ASPG: variants seen among roughly 807,000 people sequenced by gnomAD.
The protein encoded by ASPG is 60 kDa lysophospholipase.
ASPG carries 53 observed loss-of-function variants against 63.2 expected under a neutral mutation model. That is an observed-to-expected ratio of 0.84 (90% CI 0.67 to 1.05). The LOEUF is 1.05. ASPG is among the 50% of genes least tolerant of loss of function. The pLI is 0.00. For missense variants in ASPG, 741 were observed against 794.4 expected, an observed-to-expected ratio of 0.93 and a Z score of 0.81; for synonymous variants, 370 against 355.0, an observed-to-expected ratio of 1.04 and a Z score of -0.48.
At chr14:104,099,947 G>A (rs573111152) in intron 6 of ASPG, among the ~76,000 whole-genome samples, 10 of 152,316 alleles carry the variant, frequency 6.6e-5, no homozygotes, top group African/African-American at 1.4e-4. Context: ...CTGTCTGGGC[G>A]GGTGGGGTGG....
At chr14:104,086,770 G>T (rs892485120) in intron 1 of ASPG, among the ~76,000 whole-genome samples, 8 of 151,992 alleles carry the variant, frequency 5.3e-5, no homozygotes, top group Non-Finnish European at 1.0e-4. Flanking sequence ...TCCCTCAGGA[G>T]CCCTTTCCAC....
intron 1 of ASPG, among the ~76,000 whole-genome samples, chr14:104,088,044 C>G (rs1425489699): frequency 6.6e-6 from 1 of 152,210 alleles, no homozygotes; most frequent in East Asian, 1.9e-4. Flanking sequence ...CTGTTGCTAG[C>G]TGACCCATGT....
chr14:104,110,099 C>T lies in ASPG; in HGVS notation c.1520+784C>T. The T allele has an allele frequency of 2.0e-6, 2 of 985,308 alleles. No individual in the cohort carries two copies. The highest frequency in any genetic ancestry group is 2.4e-6 in the Non-Finnish European group (2 of 829,900). The allele number at this position is 985,308 out of a possible 1,614,324, so 61.0% of individuals were successfully genotyped here. A position where few individuals can be genotyped will look rare whatever the true frequency, so the allele number is the denominator to read the frequency against. ...GTGCCCAGCCTGGGCTGCCCGAGGC[C>T]AGGACGACTCCGAGGGACCCAAAAA... On this transcript the variant is annotated intron_variant, in intron 13 of 15. Coordinates refer to ENST00000551177, the MANE Select transcript of ASPG (RefSeq NM_001080464.3). The surrounding 1 kb of genome is among the most constrained non-coding windows in gnomAD (Gnocchi z 4.7).
Position 104,106,855 on chromosome 14 carries a change from C to A in ASPG, c.1230C>A (p.His410Gln). The A allele has an allele frequency of 1.3e-6, 2 of 1,598,042 alleles. No homozygotes were observed. Among genetic ancestry groups the A allele is most frequent in the Non-Finnish European group, 1.7e-6 (2 of 1,174,276 alleles). Residue 410 changes from histidine to glutamine, a missense_variant, in exon 11 of 16, where the codon CAC becomes CAA. Transcript: ENST00000551177. ...CCAGCCTGGCCTGTGCTGCTGCCCA[C>A]GCCGGTGACGTGGAGGCGCTGCAGG... is the stretch of plus-strand genomic sequence containing the variant. ...LVPSLACAAA[H>Q]AGDVEALQAL...
chr14:104,088,620 T>C (rs1246080933), intron 1 of ASPG, among the ~76,000 whole-genome samples: 1 of 152,196 alleles, frequency 6.6e-6, no homozygotes, highest in African/African-American at 2.4e-5. Flanking sequence ...CCCTGCCCGG[T>C]GACCACACGG....
At chr14:104,092,373 G>A (rs1330614711) in intron 1 of ASPG, among the ~76,000 whole-genome samples, 2 of 152,144 alleles carry the variant, frequency 1.3e-5, no homozygotes, top group Admixed American at 1.3e-4. Context: ...TAGAGACCTG[G>A]GCAGAGCTCC....
At chr14:104,087,325 C>A (rs557423898) in intron 1 of ASPG, among the ~76,000 whole-genome samples, 1 of 152,204 alleles carries the variant, frequency 6.6e-6, no homozygotes, top group Admixed American at 6.5e-5. Context: ...TGTGCTTGGC[C>A]CTCACAAGCT....
At chr14:104,112,411 G>A in intron 15 of ASPG, 113 bp from the exon 16 acceptor site, 1 of 735,246 alleles carries the variant, frequency 1.4e-6, no homozygotes, top group Non-Finnish European at 2.5e-6. Flanking sequence ...TCTCAAGCTG[G>A]GTTTGCTCAG....
intron 1 of ASPG, among the ~76,000 whole-genome samples, chr14:104,087,503 A>C (rs1056506567): frequency 6.6e-6 from 1 of 152,154 alleles, no homozygotes; most frequent in African/African-American, 2.4e-5. Flanking sequence ...CTGAGGACAC[A>C]AGGCCTGCAG....
chr14:104,094,367 G>A (rs1000384699), intron 3 of ASPG, among the ~76,000 whole-genome samples: 1 of 152,050 alleles, frequency 6.6e-6, no homozygotes, highest in African/African-American at 2.4e-5. Context: ...TGGAGTCTTG[G>A]TTGGAGTCTT....
chr14:104,094,363 C>G (rs1438169986), intron 3 of ASPG, among the ~76,000 whole-genome samples: 1 of 152,034 alleles, frequency 6.6e-6, no homozygotes, highest in Non-Finnish European at 1.5e-5. Flanking sequence ...TTAGTGGAGT[C>G]TTGGTTGGAG....
intron 3 of ASPG, among the ~76,000 whole-genome samples, chr14:104,094,046 C>G (rs988352208): frequency 1.3e-4 from 20 of 151,796 alleles, no homozygotes; most frequent in Non-Finnish European, 2.7e-4. Flanking sequence ...GTCGGCCTGC[C>G]CAGCCTGGGG....
chr14:104,089,111 C>T (rs1484477797), intron 1 of ASPG, among the ~76,000 whole-genome samples: 1 of 152,064 alleles, frequency 6.6e-6, no homozygotes, highest in Admixed American at 6.5e-5. Flanking sequence ...AGCTCTGCCT[C>T]CCGGGTTCAC....
intron 10 of ASPG, among the ~76,000 whole-genome samples, chr14:104,106,000 G>A (rs2037110043): frequency 6.6e-6 from 1 of 152,260 alleles, no homozygotes; most frequent in Admixed American, 6.5e-5. Context: ...TGGCAGGCCA[G>A]ACAGCCTTGC....
rs1260774822 is a variant in ASPG at position 104,104,443 on chromosome 14, A to C, written c.893A>C (p.His298Pro). The C allele has an allele frequency of 6.2e-7, 1 of 1,612,482 alleles. No individual in the cohort carries two copies. The highest frequency in any genetic ancestry group is 2.2e-5 in the East Asian group (1 of 44,866). Residue 298 changes from histidine (H) to proline (P), a missense_variant, in exon 8 of 16, where the codon CAC (histidine) becomes CCC (proline). Physicochemically the swap from His to Pro is moderately conservative, Grantham distance 77. Coordinates refer to ENST00000551177, the MANE Select transcript of ASPG (RefSeq NM_001080464.3). ...GGCCTGGTCATCGTCAACTGTACCC[A>C]CTGCCTCCAGGGGGCTGTGACCACA... ...ERGLVIVNCT[H>P]CLQGAVTTDY...
rs980968389 is a variant in ASPG at position 104,108,354 on chromosome 14, C to A, written c.1434-875C>A. ...TGGGTGTGGGTGGGTGGCGCGGAGA[C>A]GAGCTCACACAGTCCCGCCCCCTCG... On this transcript the variant is annotated intron_variant, in intron 12 of 15. Transcript: ENST00000551177. The A allele has an allele frequency of 4.2e-6, 4 of 958,426 alleles. No homozygotes were observed. The African/African-American group carries it at 7.1e-5, about 17-fold the overall frequency. The allele number at this position is 958,426 out of a possible 1,614,324, so 59.4% of individuals were successfully genotyped here. A position where few individuals can be genotyped will look rare whatever the true frequency, so the allele number is the denominator to read the frequency against.
chr14:104,112,843 G>A lies in ASPG; in HGVS notation c.*299G>A, dbSNP rs1041486273. 10 of 503,142 alleles carry A rather than the reference G, an allele frequency of 2.0e-5. No homozygotes were observed. Among genetic ancestry groups the A allele is most frequent in the East Asian group, 3.9e-5 (1 of 25,488 alleles). 31.2% of individuals were successfully genotyped at this position (503,142 alleles called of 1,614,324 possible). A position where few individuals can be genotyped will look rare whatever the true frequency, so the allele number is the denominator to read the frequency against. ...CCCATCCTTCCGGGGGCAGCTGTGC[G>A]TGTGAGCTGGGCAGGGTGGGGTGCA... On this transcript the variant is annotated 3_prime_UTR_variant, in exon 16 of 16. Transcript: ENST00000551177.
At chr14:104,092,543 C>T in intron 1 of ASPG, 90 bp from the exon 2 acceptor site, 2 of 1,091,964 alleles carry the variant, frequency 1.8e-6, no homozygotes, top group East Asian at 2.6e-5. Flanking sequence ...AGCCCCATCC[C>T]ACCAGCTCTG....
At chr14:104,111,299 G>A (rs753473071) in intron 13 of ASPG, 131 of 757,680 alleles carry the variant, frequency 1.7e-4, no homozygotes, top group Non-Finnish European at 2.1e-4. Context: ...GACTTGAGTC[G>A]CAGTCCCACC....
Sources: gnomAD v4.1 joint callset for allele counts (sites outside exome capture counted in the v4.1 genomes callset) on GRCh38, gnomAD v4.1.1 for gene constraint, Gnocchi (gnomAD v3.1) non-coding constraint, MANE v1.5 for transcripts, NCBI Gene and HGNC (gene_info 2026-07-23, HGNC 2026-07-21) for gene names.